MYH11: variants seen among roughly 807,000 people sequenced by gnomAD.
MYH11 encodes the protein myosin heavy chain 11.
Under a neutral mutation model 246.6 loss-of-function variants are expected in MYH11, and 80 were observed. The ratio of observed to expected loss-of-function variants is 0.32; its 90% CI spans 0.27 to 0.39. The LOEUF (loss-of-function observed/expected upper bound fraction) is 0.39. MYH11 is among the 10% of genes least tolerant of loss of function. MYH11 has a pLI of 1.00. For missense variants in MYH11, 2,158 were observed against 2,546.8 expected, an observed-to-expected ratio of 0.85 and a Z score of 3.29; for synonymous variants, 1,071 against 1,015.5, an observed-to-expected ratio of 1.05 and a Z score of -1.04.
chr16:15,718,811 G>A (rs1013396074), intron 36 of MYH11: 5 of 407,654 alleles, frequency 1.2e-5, no homozygotes, highest in South Asian at 2.4e-5. Flanking sequence ...CTCAGAGGAC[G>A]CTTCGTCAGC....
intron 15 of MYH11, among the ~76,000 whole-genome samples, chr16:15,753,162 C>T (rs1327841832): frequency 6.6e-6 from 1 of 152,080 alleles, no homozygotes; most frequent in African/African-American, 2.4e-5. Context: ...TTGCCTGAGC[C>T]CTGACCTCAG....
chr16:15,840,718 C>T (rs991349948), intron 1 of MYH11, among the ~76,000 whole-genome samples: 3 of 152,024 alleles, frequency 2.0e-5, no homozygotes, highest in African/African-American at 7.3e-5. Context: ...GGCCACAGAG[C>T]GAGACCCTGT....
chr16:15,766,691 A>C (rs2041991153), intron 9 of MYH11, among the ~76,000 whole-genome samples: 1 of 152,118 alleles, frequency 6.6e-6, no homozygotes, highest in African/African-American at 2.4e-5. Flanking sequence ...TTTAGGAACC[A>C]ATTTCTAAAA....
chr16:15,848,616 G>A (rs1353835581), intron 1 of MYH11, among the ~76,000 whole-genome samples: 2 of 152,124 alleles, frequency 1.3e-5, no homozygotes, highest in Non-Finnish European at 2.9e-5. Flanking sequence ...ATGTTCCGCA[G>A]CATCCCTGGT....
chr16:15,781,818 A>G (rs906772807), intron 6 of MYH11, among the ~76,000 whole-genome samples: 10 of 152,026 alleles, frequency 6.6e-5, no homozygotes, highest in African/African-American at 2.2e-4. Context: ...AGTGCCTGGT[A>G]TACAGTAGGC....
chr16:15,811,074 C>T (rs1184679748), intron 3 of MYH11, among the ~76,000 whole-genome samples: 1 of 152,084 alleles, frequency 6.6e-6, no homozygotes, highest in Non-Finnish European at 1.5e-5. Context: ...GTGATGAGAT[C>T]ATGGGGGTTC....
At chr16:15,816,503 T>G (rs6498579) in intron 3 of MYH11, among the ~76,000 whole-genome samples, 19,322 of 152,068 alleles carry the variant, frequency 0.13, 1,282 homozygotes, top group East Asian at 0.15. Context: ...AGCTCAGCTT[T>G]GAATAACATC....
At chr16:15,757,507 A>AGAGAAGGAAAAGGAAGGGAAAGAGGG (rs2041756583) in intron 13 of MYH11, among the ~76,000 whole-genome samples, 1 of 74,694 alleles carries the variant, frequency 1.3e-5, no homozygotes, top group African/African-American at 7.1e-5. Flanking sequence ...AGACCATGTC[A>AGAGAAGGAAAAGGAAGGGAAAGAGGG]TAAAAAAAAA....
intron 20 of MYH11, among the ~76,000 whole-genome samples, chr16:15,742,413 C>G (rs1424432294): frequency 1.3e-5 from 2 of 152,320 alleles, no homozygotes; most frequent in Admixed American, 6.5e-5. Context: ...TAAGACCATG[C>G]TGCCTAGTTG....
intron 4 of MYH11, among the ~76,000 whole-genome samples, chr16:15,795,503 C>T (rs1200290324): frequency 6.6e-6 from 1 of 151,988 alleles, no homozygotes; most frequent in East Asian, 1.9e-4. Flanking sequence ...CCCAGCTACT[C>T]GGGAGGCTGA....
chr16:15,736,525 C>G (rs367768245), intron 25 of MYH11, among the ~76,000 whole-genome samples: 1 of 152,200 alleles, frequency 6.6e-6, no homozygotes, highest in East Asian at 1.9e-4. Flanking sequence ...GCAATCCCCC[C>G]ACCTCGGCTT....
chr16:15,742,278 T>C (rs2151251986), intron 20 of MYH11: 1 of 292,128 alleles, frequency 3.4e-6, no homozygotes, highest in South Asian at 4.2e-5. Context: ...AAAAGTGATA[T>C]TTCCTTCCAA....
intron 25 of MYH11, among the ~76,000 whole-genome samples, chr16:15,737,036 A>G (rs2151243330): frequency 6.6e-6 from 1 of 152,242 alleles, no homozygotes; most frequent in African/African-American, 2.4e-5. Context: ...ATTGGTGTTC[A>G]CAAAAAAGAG....
chr16:15,805,696 G>A (rs1384844655), intron 3 of MYH11, among the ~76,000 whole-genome samples: 1 of 152,094 alleles, frequency 6.6e-6, no homozygotes, highest in Non-Finnish European at 1.5e-5. Context: ...TGGATTGCTT[G>A]AGCCCGGGAG....
At position 15,717,289 on chromosome 16, in the gene MYH11, A is replaced by G. The variant is rs1318110642; in HGVS notation, c.5355T>C (p.Ser1785=). The G allele has an allele frequency of 6.2e-7, 1 of 1,613,128 alleles. No individual in the cohort carries two copies. The highest frequency in any genetic ancestry group is 8.5e-7 in the Non-Finnish European group (1 of 1,179,984). Residue 1785 remains serine (S), a synonymous_variant, in exon 38 of 41, where the codon AGT becomes AGC. Transcript: ENST00000300036. ...TERSTAQKNE[S]ARQQLERQNK... ...TCTGCCGCTCGAGCTGCTGCCGGGC[A>G]CTCTCATTCTTCTGGGCCGTGCTGC...
intron 3 of MYH11, among the ~76,000 whole-genome samples, chr16:15,803,923 T>TTGC (rs1232032824): frequency 6.6e-6 from 1 of 152,126 alleles, no homozygotes; most frequent in Non-Finnish European, 1.5e-5. Flanking sequence ...CGTGGGAAGC[T>TTGC]TGCAGGGTGC....
chr16:15,785,007 G>GTT, intron 5 of MYH11: 1 of 67,330 alleles, frequency 1.5e-5, no homozygotes, highest in Non-Finnish European at 2.5e-5. Flanking sequence ...TAATTCTCTT[G>GTT]ATTTTTTTTT....
chr16:15,805,010 G>A (rs1016181203), intron 3 of MYH11, among the ~76,000 whole-genome samples: 2 of 152,046 alleles, frequency 1.3e-5, no homozygotes, highest in Non-Finnish European at 2.9e-5. Context: ...CAATTCTTCG[G>A]GTACATACCC....
chr16:15,795,625 CA>C (rs1263382310), intron 4 of MYH11, among the ~76,000 whole-genome samples: 2 of 152,146 alleles, frequency 1.3e-5, no homozygotes, highest in African/African-American at 4.8e-5. Flanking sequence ...AACAAACAAA[CA>C]AACAAACAAA....
Sources: gnomAD v4.1 joint callset for allele counts (sites outside exome capture counted in the v4.1 genomes callset) on GRCh38, gnomAD v4.1.1 for gene constraint, MANE v1.5 for transcripts, NCBI Gene and HGNC (gene_info 2026-07-23, HGNC 2026-07-21) for gene names.